Variants in PSMC2 observed in about 807,000 individuals in gnomAD.
The protein encoded by PSMC2 is 26S proteasome regulatory subunit 7.
A neutral mutation model predicts 53.3 loss-of-function variants in PSMC2; 7 were observed. The ratio of observed to expected loss-of-function variants is 0.13; its 90% CI spans 0.07 to 0.25. PSMC2 has a LOEUF of 0.25. PSMC2 is among the 10% of genes least tolerant of loss of function. PSMC2 has a pLI of 1.00. For missense variants in PSMC2, 241 were observed against 544.0 expected (o/e 0.44, Z 5.54); for synonymous variants, 169 against 183.9 (o/e 0.92, Z 0.66).
chr7:103,352,701 A>T, intron 1 of PSMC2: 2 of 634,410 alleles, frequency 3.2e-6, no homozygotes, highest in Non-Finnish European at 5.8e-6. Context: ...GCTGATTATA[A>T]TCTTAAATCC....
intron 6 of PSMC2, 82 bp downstream of exon 6, chr7:103,362,840 C>A: frequency 1.8e-6 from 2 of 1,096,104 alleles, no homozygotes; most frequent in Non-Finnish European, 2.7e-6. Context: ...CTTGTCCAGG[C>A]TGGAGTAGAA....
intron 7 of PSMC2, 114 bp from the exon 8 acceptor site, chr7:103,364,029 A>T: frequency 2.0e-6 from 2 of 976,544 alleles, no homozygotes; most frequent in Non-Finnish European, 3.0e-6. Context: ...TTTAAATATT[A>T]AAGTATGGTT....
chr7:103,360,142 A>G (rs1337993802), intron 4 of PSMC2, among the ~76,000 whole-genome samples: 2 of 151,806 alleles, frequency 1.3e-5, no homozygotes, highest in African/African-American at 4.8e-5. Context: ...GACAATTTCT[A>G]TTGACTGATT....
intron 1 of PSMC2, among the ~76,000 whole-genome samples, chr7:103,353,358 G>C (rs1489063960): frequency 6.6e-6 from 1 of 152,084 alleles, no homozygotes; most frequent in Non-Finnish European, 1.5e-5. Flanking sequence ...CCAGGCTGGA[G>C]TGCGGTGATG....
chr7:103,353,187 A>C (rs1374937772), intron 1 of PSMC2, among the ~76,000 whole-genome samples: 1 of 152,174 alleles, frequency 6.6e-6, no homozygotes, highest in Non-Finnish European at 1.5e-5. Context: ...TTTATATAAA[A>C]ACAAAATATA....
rs141423831 is a variant in PSMC2, at chr7:103,364,128, G to A, written c.592-15G>A. ...TACAGAAGTGGTAAGTGTGAAAATT[G>A]TGTCTCTATCACAGCCAGAGAGGTT... On this transcript the variant is annotated splice_polypyrimidine_tract_variant and intron_variant, in intron 7 of 11. Coordinates refer to ENST00000292644, the MANE Select transcript of PSMC2 (RefSeq NM_002803.4). 3 of 1,609,514 alleles carry A rather than the reference G, an allele frequency of 1.9e-6. No homozygotes were observed. Among genetic ancestry groups the A allele is most frequent in the East Asian group, 2.2e-5 (1 of 44,822 alleles).
chr7:103,360,115 A>G (rs1263960282), intron 4 of PSMC2, among the ~76,000 whole-genome samples: 2 of 152,028 alleles, frequency 1.3e-5, no homozygotes, highest in South Asian at 2.1e-4. Flanking sequence ...TAACACCAAC[A>G]TCTAGGCTTC....
intron 4 of PSMC2, among the ~76,000 whole-genome samples, chr7:103,359,170 T>TTA (rs71110833): frequency 1.9e-4 from 25 of 129,946 alleles, no homozygotes; most frequent in East Asian, 8.9e-4. Flanking sequence ...TTTTTTTTTT[T>TTA]AATTTTTAGT....
At chr7:103,353,496 G>A (rs930072338) in intron 1 of PSMC2, among the ~76,000 whole-genome samples, 5 of 152,026 alleles carry the variant, frequency 3.3e-5, no homozygotes, top group South Asian at 4.1e-4. Flanking sequence ...TGGTAGAGAC[G>A]GGGTTTCGCC....
At chr7:103,355,886 A>T in intron 4 of PSMC2, 93 bp downstream of exon 4, 1 of 840,902 alleles carries the variant, frequency 1.2e-6, no homozygotes, top group Non-Finnish European at 1.8e-6. Flanking sequence ...GTTCATAAAT[A>T]ATTTTGATTC....
chr7:103,360,314 T>C (rs945391932), intron 4 of PSMC2, among the ~76,000 whole-genome samples: 3 of 152,212 alleles, frequency 2.0e-5, no homozygotes, highest in African/African-American at 7.2e-5. Context: ...TTGGTATTAT[T>C]GCTGTTTGTT....
intron 6 of PSMC2, 70 bp from the exon 7 acceptor site, chr7:103,363,274 A>G: frequency 1.6e-6 from 2 of 1,246,358 alleles, no homozygotes; most frequent in Non-Finnish European, 1.2e-6. Flanking sequence ...TATTAGGTCT[A>G]TTCTATTGAA....
At chr7:103,351,390 T>C (rs1338064237) in intron 1 of PSMC2, among the ~76,000 whole-genome samples, 3 of 152,056 alleles carry the variant, frequency 2.0e-5, no homozygotes, top group East Asian at 3.8e-4. Context: ...TGTACTTAAT[T>C]CCCCCAGCAA....
intron 5 of PSMC2, chr7:103,362,393 G>A: frequency 7.5e-7 from 1 of 1,333,642 alleles, no homozygotes; most frequent in African/African-American, 1.5e-5. Context: ...GGATAGTTGT[G>A]ATGCTAAGTG....
In PSMC2 at chr7:103,367,364, C is replaced by G; in HGVS notation, c.845-49C>G. Reference sequence around the variant, plus strand: ...TGGTACTTTCAGGTCATGCATAGTGCTACTCTTGAGTGGACTTGAAGAGCT... The same window carrying G: ...TGGTACTTTCAGGTCATGCATAGTGGTACTCTTGAGTGGACTTGAAGAGCT... On this transcript the variant is annotated intron_variant, in intron 9 of 11. Coordinates refer to ENST00000292644, the MANE Select transcript of PSMC2 (RefSeq NM_002803.4). This position sits in a 1 kb window ranked among gnomAD's most constrained non-coding sequence, Gnocchi z 6.1. 2 of 1,578,626 alleles carry G rather than the reference C, an allele frequency of 1.3e-6. No homozygotes were observed. Among genetic ancestry groups the G allele is most frequent in the Non-Finnish European group, 8.7e-7 (1 of 1,149,938 alleles).
intron 1 of PSMC2, among the ~76,000 whole-genome samples, chr7:103,348,936 G>A (rs960663479): frequency 2.0e-5 from 3 of 152,204 alleles, no homozygotes; most frequent in African/African-American, 7.2e-5. Context: ...GTGGAGTTCT[G>A]ATTTTGTAAG....
chr7:103,353,885 C>G, intron 1 of PSMC2, 36 bp from the exon 2 acceptor site: 1 of 1,569,662 alleles, frequency 6.4e-7, no homozygotes, highest in Non-Finnish European at 8.7e-7. Flanking sequence ...ATTCTAGTTT[C>G]TTTTTGAATC....
chr7:103,358,312 C>G (rs1359200337), intron 4 of PSMC2, among the ~76,000 whole-genome samples: 1 of 151,972 alleles, frequency 6.6e-6, no homozygotes, highest in Non-Finnish European at 1.5e-5. Flanking sequence ...TGGTGATGTG[C>G]CTTGGTGTTG....
At chr7:103,348,511 A>G (rs1819655529) in intron 1 of PSMC2, 8 of 656,164 alleles carry the variant, frequency 1.2e-5, no homozygotes. Context: ...ACAGTAATGT[A>G]TTTATTATTG....
Sources: gnomAD v4.1 joint callset for allele counts (sites outside exome capture counted in the v4.1 genomes callset) on GRCh38, gnomAD v4.1.1 for gene constraint, Gnocchi (gnomAD v3.1) non-coding constraint, MANE v1.5 for transcripts, NCBI Gene and HGNC (gene_info 2026-07-23, HGNC 2026-07-21) for gene names.